Variants in SMPDL3A observed in about 807,000 individuals in gnomAD.
The protein encoded by SMPDL3A is cyclic GMP-AMP phosphodiesterase SMPDL3A.
SMPDL3A carries 39 observed loss-of-function variants against 38.5 expected under a neutral mutation model. The ratio of observed to expected loss-of-function variants is 1.01; its 90% CI spans 0.78 to 1.32. The LOEUF is 1.32. SMPDL3A is among the 40% of genes most tolerant of loss of function. The pLI is 0.00. For missense variants in SMPDL3A, 502 were observed against 536.2 expected, an observed-to-expected ratio of 0.94 and a Z score of 0.63; for synonymous variants, 180 against 194.3, an observed-to-expected ratio of 0.93 and a Z score of 0.61.
intron 4 of SMPDL3A, among the ~76,000 whole-genome samples, chr6:122,802,562 G>A (rs1357771975): frequency 6.6e-6 from 1 of 152,102 alleles, no homozygotes; most frequent in Non-Finnish European, 1.5e-5. Flanking sequence ...CAGGTTGAAG[G>A]GAGAGCCATA....
At chr6:122,807,087 G>GT (rs1562356599) in intron 7 of SMPDL3A, among the ~76,000 whole-genome samples, 1 of 151,770 alleles carries the variant, frequency 6.6e-6, no homozygotes, top group African/African-American at 2.4e-5. Flanking sequence ...GAGATGGGGG[G>GT]GGGGGGTCTC....
At chr6:122,789,716 C>A in intron 1 of SMPDL3A, 2 of 593,028 alleles carry the variant, frequency 3.4e-6, no homozygotes, top group Non-Finnish European at 4.2e-6. Flanking sequence ...GCTCCAAGGG[C>A]GCGTCGGCCG....
At chr6:122,800,843 C>T (rs143534115) in intron 3 of SMPDL3A, among the ~76,000 whole-genome samples, 121 of 152,218 alleles carry the variant, frequency 7.9e-4, no homozygotes, top group African/African-American at 2.7e-3. Context: ...CTTCGCCTCA[C>T]GGATTCCAGT....
intron 6 of SMPDL3A, 61 bp downstream of exon 6, chr6:122,805,150 T>G: frequency 5.2e-6 from 7 of 1,358,090 alleles, no homozygotes; most frequent in Non-Finnish European, 6.9e-6. Flanking sequence ...GCGGTGAATA[T>G]CCAGTAAATT....
chr6:122,803,960 C>A, intron 5 of SMPDL3A, 127 bp downstream of exon 5: 1 of 681,828 alleles, frequency 1.5e-6, no homozygotes, highest in Non-Finnish European at 2.4e-6. Context: ...TGCATAAACA[C>A]TTTACAACTC....
chr6:122,806,294 A>T lies in SMPDL3A; in HGVS notation c.981A>T (p.Glu327Asp), dbSNP rs1222557469. ...TTACACCAGTGAAGAGTGTTTTAGA[A>T]AAACAGACCAACAATCCTGGTATCA... ...PAVTPVKSVL[E>D]KQTNNPGIRL... The change falls in exon 7 of 8, where the codon GAA becomes GAT. Residue 327 changes from glutamate to aspartate, a missense_variant. Coordinates refer to ENST00000368440, the MANE Select transcript of SMPDL3A (RefSeq NM_006714.5). 1.2e-6 allele frequency: 2 copies of T among 1,613,510 alleles called. No individual in the cohort carries two copies. The highest frequency in any genetic ancestry group is 4.5e-5 in the East Asian group (2 of 44,814).
intron 3 of SMPDL3A, among the ~76,000 whole-genome samples, chr6:122,800,156 TTTTG>T (rs1428859480): frequency 1.3e-5 from 2 of 152,080 alleles, no homozygotes; most frequent in Non-Finnish European, 2.9e-5. Flanking sequence ...TTTCTTAAAG[TTTTG>T]TTTGTTTGTT....
At chr6:122,800,084 T>C (rs1781379835) in intron 3 of SMPDL3A, among the ~76,000 whole-genome samples, 1 of 151,892 alleles carries the variant, frequency 6.6e-6, no homozygotes, top group African/African-American at 2.4e-5. Context: ...TCCTCCTGGC[T>C]TAGCCTTTCA....
At chr6:122,804,547 G>T (rs755164580) in intron 5 of SMPDL3A, among the ~76,000 whole-genome samples, 3 of 150,904 alleles carry the variant, frequency 2.0e-5, no homozygotes, top group Non-Finnish European at 3.0e-5. Flanking sequence ...TGGGGGGCTC[G>T]AACTCTGCTT....
chr6:122,808,604 TCCC>T (rs755234127), intron 7 of SMPDL3A, among the ~76,000 whole-genome samples: 10,128 of 78,802 alleles, frequency 0.13, 555 homozygotes, highest in Non-Finnish European at 0.16. Context: ...CCTCCCTCCC[TCCC>T]TCCCTTCCTT....
intron 1 of SMPDL3A, among the ~76,000 whole-genome samples, chr6:122,791,763 G>C (rs916177441): frequency 2.6e-5 from 4 of 151,908 alleles, no homozygotes; most frequent in Admixed American, 6.6e-5. Context: ...GCGCAATCTC[G>C]GCTCACTGCA....
Position 122,789,577 on chromosome 6 carries a change from G to C in SMPDL3A, c.112+119G>C. 4.0e-6 allele frequency: 4 copies of C among 1,010,662 alleles called. No individual in the cohort carries two copies. The South Asian group carries it at 4.3e-5, about 11-fold the overall frequency. 62.6% of individuals were successfully genotyped at this position (1,010,662 alleles called of 1,614,324 possible). The stretch of plus-strand genomic sequence containing the variant: ...CCCCCGGCAGAGGCTCGGGCTAGCG[G>C]GGCCCCTGACGCGTCCGGCGTTGAC... On this transcript the variant is annotated intron_variant, in intron 1 of 7. Transcript: ENST00000368440.
Position 122,804,895 on chromosome 6 carries a change from G to T in SMPDL3A, c.739-14G>T, listed in dbSNP as rs1342507170. 1.9e-6 allele frequency: 3 copies of T among 1,583,652 alleles called. No individual in the cohort carries two copies. In the Admixed American group the frequency reaches 5.7e-5, roughly 30 times the overall value. On this transcript the variant is annotated splice_polypyrimidine_tract_variant and intron_variant, in intron 5 of 7. Coordinates refer to ENST00000368440, the MANE Select transcript of SMPDL3A (RefSeq NM_006714.5). The stretch of plus-strand genomic sequence containing the variant: ...AAAGATTCTCATGAGGCCTTTTTGT[G>T]TTTCTTTTTCCAGGTGTATATCATA...
intron 4 of SMPDL3A, among the ~76,000 whole-genome samples, chr6:122,803,194 T>C (rs1441310675): frequency 6.6e-6 from 1 of 152,146 alleles, no homozygotes; most frequent in African/African-American, 2.4e-5. Flanking sequence ...TTAAACCTCC[T>C]CTCCCCTGAG....
intron 2 of SMPDL3A, among the ~76,000 whole-genome samples, chr6:122,796,233 A>G (rs1027224153): frequency 3.9e-5 from 6 of 152,210 alleles, no homozygotes; most frequent in African/African-American, 1.2e-4. Flanking sequence ...AATTTTGTAA[A>G]GCATCATCTT....
chr6:122,807,170 G>A (rs1158568859), intron 7 of SMPDL3A, among the ~76,000 whole-genome samples: 1 of 151,830 alleles, frequency 6.6e-6, no homozygotes, highest in Non-Finnish European at 1.5e-5. Flanking sequence ...CAAATTGCTG[G>A]TATTACAGAT....
intron 2 of SMPDL3A, among the ~76,000 whole-genome samples, chr6:122,796,346 C>G (rs2115164239): frequency 6.6e-6 from 1 of 152,248 alleles, no homozygotes; most frequent in African/African-American, 2.4e-5. Context: ...AGAATATTTA[C>G]TTGGGGCTTG....
chr6:122,793,895 G>A (rs72968547), intron 1 of SMPDL3A, among the ~76,000 whole-genome samples: 3,360 of 152,138 alleles, frequency 0.022, 47 homozygotes, highest in Non-Finnish European at 0.036. Context: ...TGTGCTTCTG[G>A]TGTAGTACAT....
chr6:122,797,532 C>A (rs760969637), intron 3 of SMPDL3A, among the ~76,000 whole-genome samples: 1 of 152,038 alleles, frequency 6.6e-6, no homozygotes, highest in East Asian at 1.9e-4. Context: ...CCTGAGATAC[C>A]CCCGGCTCAA....
Sources: allele counts gnomAD v4.1 joint callset (sites outside exome capture counted in the v4.1 genomes callset), GRCh38; gene constraint gnomAD v4.1.1; transcripts MANE v1.5; gene names NCBI Gene and HGNC (gene_info 2026-07-23, HGNC 2026-07-21).